The following VWCE variants were observed in gnomAD, a reference collection of about 807,000 sequenced individuals.
VWCE encodes the protein von Willebrand factor C and EGF domains.
In VWCE, 68 loss-of-function variants were observed where a neutral mutation model predicts 102.9. The ratio of observed to expected loss-of-function variants is 0.66; its 90% CI spans 0.54 to 0.81. The LOEUF (loss-of-function observed/expected upper bound fraction) is 0.81, where lower values mean the gene tolerates loss of function less well. VWCE is among the 30% of genes least tolerant of loss of function. VWCE has a pLI of 0.00. For synonymous variants in VWCE, 497 were observed against 515.4 expected (o/e 0.96, Z 0.48); for missense variants, 1,137 against 1,263.6 (o/e 0.90, Z 1.52).
At chr11:61,288,925 G>A (rs60237428) in intron 4 of VWCE, among the ~76,000 whole-genome samples, 335 of 144,128 alleles carry the variant, frequency 2.3e-3, no homozygotes, top group African/African-American at 8.4e-3. Flanking sequence ...TGCAACCTCC[G>A]CCTCCCGGGT....
intron 4 of VWCE, among the ~76,000 whole-genome samples, chr11:61,287,991 TA>T (rs748123438): frequency 2.0e-5 from 3 of 148,712 alleles, no homozygotes; most frequent in Admixed American, 6.7e-5. Context: ...CCGTCTCTAC[TA>T]AAAAAAAATA....
chr11:61,290,389 G>A (rs568980823), intron 4 of VWCE, among the ~76,000 whole-genome samples: 13 of 152,116 alleles, frequency 8.5e-5, no homozygotes, highest in Admixed American at 3.9e-4. Flanking sequence ...GCACCCGCCT[G>A]TAATCCCAGC....
intron 14 of VWCE, among the ~76,000 whole-genome samples, chr11:61,270,198 C>T (rs1351810876): frequency 1.3e-5 from 2 of 152,020 alleles, no homozygotes; most frequent in Non-Finnish European, 2.9e-5. Context: ...GGATTACAGG[C>T]GTGAGCCACC....
chr11:61,291,363 G>A lies in VWCE; in HGVS notation c.206-10C>T. On this transcript the variant is annotated splice_polypyrimidine_tract_variant and intron_variant, in intron 2 of 19. Coordinates refer to ENST00000335613, the MANE Select transcript of VWCE (RefSeq NM_152718.2). The stretch of plus-strand genomic sequence containing the variant: ...CCGAAGGAGCAGAGGGCTGAGAGGA[G>A]AAGTGCAGGTGAGACACGAGGAACT... 6.2e-7 allele frequency: 1 copy of A among 1,611,126 alleles called. No individual in the cohort carries two copies. Among genetic ancestry groups the A allele is most frequent in the African/African-American group, 1.3e-5 (1 of 75,030 alleles).
chr11:61,283,968 T>G (rs1023514205), intron 5 of VWCE, among the ~76,000 whole-genome samples: 14 of 152,048 alleles, frequency 9.2e-5, no homozygotes, highest in Non-Finnish European at 1.3e-4. Context: ...GAGTCAGCAG[T>G]TAAAAGGAAC....
At chr11:61,260,659 G>A (rs771508214) in intron 19 of VWCE, among the ~76,000 whole-genome samples, 3 of 152,036 alleles carry the variant, frequency 2.0e-5, no homozygotes, top group Non-Finnish European at 4.4e-5. Context: ...GACCTTACAC[G>A]TGTTCAGAAC....
At position 61,265,205 on chromosome 11, in the gene VWCE, G is replaced by C; in HGVS notation, c.1973C>G (p.Ser658Ter). 1 of 1,483,332 alleles carries C rather than the reference G, an allele frequency of 6.7e-7. No homozygotes were observed. The highest frequency in any genetic ancestry group is 9.0e-7 in the Non-Finnish European group (1 of 1,114,672). 91.9% of individuals were successfully genotyped at this position (1,483,332 alleles called of 1,614,324 possible). ...GCAGTCCACGGGGGAACAGGCCACT[G>C]AGCCCAGCTGCAGGACACAGAAAAC... is the stretch of plus-strand genomic sequence containing the variant. Reference protein sequence around the residue: ...PCLSCICLLGSVACSPVDCPI... With the variant: ...PCLSCICLLG The change falls in exon 17 of 20, where the codon TCA becomes TGA. Residue 658 changes from serine to a stop codon, truncating the protein, a stop_gained. Coordinates refer to ENST00000335613, the MANE Select transcript of VWCE (RefSeq NM_152718.2). LOFTEE classifies it high-confidence loss of function.
chr11:61,294,975 G>C lies in VWCE; in HGVS notation c.63C>G (p.Ala21=). 6.8e-7 allele frequency: 1 copy of C among 1,474,364 alleles called. No homozygotes were observed. The highest frequency in any genetic ancestry group is 2.9e-5 in the East Asian group (1 of 34,890). The allele number at this position is 1,474,364 out of a possible 1,614,324, so 91.3% of individuals were successfully genotyped here. ...CVALLLPGAP[A]RGYTGRKPPG... ...GCGGCTTCCTCCCGGTGTAGCCTCG[G>C]GCTGGTGCCCCCGGCAGCAGGAGCG... is the stretch of plus-strand genomic sequence containing the variant. The change falls in exon 1 of 20, where the codon GCC becomes GCG. Residue 21 remains alanine (A), a synonymous_variant. Transcript: ENST00000335613. This position sits in a 1 kb window ranked among gnomAD's most constrained non-coding sequence, Gnocchi z 6.3.
At chr11:61,288,155 CAAAAAAAAAA>C (rs397978316) in intron 4 of VWCE, among the ~76,000 whole-genome samples, 490 of 37,268 alleles carry the variant, frequency 0.013, 2 homozygotes, top group Middle Eastern at 0.053. Flanking sequence ...GACTCTGTCT[CAAAAAAAAAA>C]AAAAAAAAAA....
chr11:61,284,439 C>T (rs1431502416), intron 5 of VWCE, among the ~76,000 whole-genome samples: 1 of 152,164 alleles, frequency 6.6e-6, no homozygotes, highest in Non-Finnish European at 1.5e-5. Context: ...TACGTACGTA[C>T]ACATCATGGG....
chr11:61,271,302 C>T (rs573676021), intron 14 of VWCE: 26 of 213,084 alleles, frequency 1.2e-4, no homozygotes, highest in African/African-American at 5.2e-4. Context: ...CCTACCACCA[C>T]GCTCGGCTAA....
intron 7 of VWCE, 120 bp downstream of exon 7, chr11:61,281,666 A>G (rs1855139626): frequency 8.2e-7 from 1 of 1,215,710 alleles, no homozygotes; most frequent in Non-Finnish European, 1.1e-6. Flanking sequence ...AGGAGCTGAG[A>G]GGGCGTGGCT....
intron 18 of VWCE, 106 bp from the exon 19 acceptor site, chr11:61,264,683 C>G: frequency 5.6e-6 from 7 of 1,254,016 alleles, no homozygotes; most frequent in Non-Finnish European, 7.9e-6. Flanking sequence ...ACGGAAAGAT[C>G]CCAGGACAGA....
chr11:61,274,348 T>G (rs1854837608), intron 12 of VWCE, 151 bp downstream of exon 12: 2 of 649,350 alleles, frequency 3.1e-6, no homozygotes, highest in South Asian at 1.9e-5. Context: ...TGGGAAGACC[T>G]GGGGGATCCC....
chr11:61,271,701 C>G lies in VWCE; in HGVS notation c.1759G>C (p.Asp587His). The G allele has an allele frequency of 6.2e-7, 1 of 1,613,516 alleles. No homozygotes were observed. The highest frequency in any genetic ancestry group is 1.1e-5 in the South Asian group (1 of 90,892). ...FPIGQIWSPG[D>H]PCELCICQAD... Reference sequence around the variant, plus strand: ...TGGCAGATGCATAACTCACAGGGGTCACCAGGCGACCAGATCTGTCCAATC... The same window carrying G: ...TGGCAGATGCATAACTCACAGGGGTGACCAGGCGACCAGATCTGTCCAATC... The change falls in exon 14 of 20, where the codon GAC (aspartate) becomes CAC (histidine). Residue 587 changes from aspartate to histidine, a missense_variant. Physicochemically the swap from Asp to His is moderately conservative, Grantham distance 81 (BLOSUM62 -1). Coordinates refer to ENST00000335613, the MANE Select transcript of VWCE (RefSeq NM_152718.2).
intron 4 of VWCE, among the ~76,000 whole-genome samples, chr11:61,287,504 C>G (rs1327073419): frequency 1.3e-5 from 2 of 151,774 alleles, no homozygotes; most frequent in Admixed American, 6.5e-5. Flanking sequence ...CAACTGCGTG[C>G]AGCAGACCCA....
Position 61,276,316 on chromosome 11 carries a change from C to A in VWCE, c.1495+277G>T, listed in dbSNP as rs536671265. Among the ~76,000 whole-genome samples, 11 of 151,884 alleles carry A rather than the reference C, an allele frequency of 7.2e-5. 1 individual carries two copies. The highest frequency in any genetic ancestry group is 2.4e-4 in the African/African-American group (10 of 41,426). On this transcript the variant is annotated intron_variant, in intron 11 of 19. Transcript: ENST00000335613. ...CCAGCTACTCCCTACTCCGGAGGCT[C>A]AGGCAGGAGAATCACTTGAACCTGG... is the stretch of plus-strand genomic sequence containing the variant.
At chr11:61,287,878 A>C (rs1247324353) in intron 4 of VWCE, among the ~76,000 whole-genome samples, 1 of 152,028 alleles carries the variant, frequency 6.6e-6, no homozygotes, top group Non-Finnish European at 1.5e-5. Context: ...GACTAAGGCC[A>C]GGCGCAGTGG....
chr11:61,264,963 G>T lies in VWCE; in HGVS notation c.2132C>A (p.Thr711Lys). 6.2e-7 allele frequency: 1 copy of T among 1,613,748 alleles called. No homozygotes were observed. Among genetic ancestry groups the T allele is most frequent in the South Asian group, 1.1e-5 (1 of 91,074 alleles). ...TLDDEPCTRC[T>K]CQLGEVSCEK... ...TTCCCAGGCCCAGCTCACCTGGCAC[G>T]TGCACCGGGTGCAGGGTTCATCATC... Residue 711 changes from threonine (T) to lysine (K), a missense_variant, in exon 18 of 20, where the codon ACG (threonine) becomes AAG (lysine). Physicochemically the swap from Thr to Lys is moderately conservative, Grantham distance 78 (BLOSUM62 -1). Transcript: ENST00000335613.
Sources: gnomAD v4.1 joint callset for allele counts (sites outside exome capture counted in the v4.1 genomes callset) on GRCh38, gnomAD v4.1.1 for gene constraint, Gnocchi (gnomAD v3.1) non-coding constraint, MANE v1.5 for transcripts, NCBI Gene and HGNC (gene_info 2026-07-23, HGNC 2026-07-21) for gene names.